WNK1: variants seen among roughly 807,000 people sequenced by gnomAD.
The protein encoded by WNK1 is serine/threonine-protein kinase WNK1.
In WNK1, 38 loss-of-function variants were observed where a neutral mutation model predicts 222.8. That is an observed-to-expected ratio of 0.17 (90% CI 0.13 to 0.22). WNK1 has a LOEUF of 0.22. Ranked by LOEUF, WNK1 falls within the 10% of genes least tolerant of loss-of-function variation. The pLI, the probability that WNK1 is intolerant of heterozygous loss-of-function variation, is 1.00. For synonymous variants in WNK1, 1,090 were observed against 1,092.9 expected (o/e 1.00, Z 0.05); for missense variants, 2,348 against 2,918.4 (o/e 0.80, Z 4.50).
chr12:878,203 T>C lies in WNK1; in HGVS notation c.2224-9T>C, dbSNP rs769725061. 9 of 1,614,148 alleles carry C rather than the reference T, an allele frequency of 5.6e-6. No individual in the cohort carries two copies. The highest frequency in any genetic ancestry group is 1.7e-5 in the Admixed American group (1 of 60,022). On this transcript the variant is annotated splice_polypyrimidine_tract_variant and intron_variant, in intron 9 of 27. Transcript: ENST00000315939. The stretch of plus-strand genomic sequence containing the variant: ...GAAATAAAACTGAATCATTGTATTT[T>C]ATTCTTAGCAGCAGGGAATACAGCA...
intron 10 of WNK1, among the ~76,000 whole-genome samples, 200 bp from the exon 11 acceptor site, chr12:879,373 C>T (rs1952914273): frequency 6.6e-6 from 1 of 151,334 alleles, no homozygotes; most frequent in African/African-American, 2.4e-5. Context: ...TCTTTCTCTC[C>T]TGCTCTCCTT....
chr12:872,897 A>G (rs1952278128), intron 9 of WNK1, among the ~76,000 whole-genome samples: 1 of 152,228 alleles, frequency 6.6e-6, no homozygotes, highest in Non-Finnish European at 1.5e-5. Context: ...CTACAGAAAC[A>G]GTTGATTAGT....
At chr12:795,672 A>G (rs1461233199) in intron 1 of WNK1, among the ~76,000 whole-genome samples, 1 of 152,048 alleles carries the variant, frequency 6.6e-6, no homozygotes, top group African/African-American at 2.4e-5. Context: ...AAACTGACTA[A>G]TACAGTTTCT....
chr12:874,306 A>G (rs1952425416), intron 9 of WNK1, among the ~76,000 whole-genome samples: 1 of 152,246 alleles, frequency 6.6e-6, no homozygotes, highest in Admixed American at 6.5e-5. Context: ...ATTATTAGTC[A>G]GTGGGACTGC....
intron 1 of WNK1, among the ~76,000 whole-genome samples, chr12:773,470 A>T (rs1942770784): frequency 6.6e-6 from 1 of 152,218 alleles, no homozygotes; most frequent in South Asian, 2.1e-4. Context: ...ACTACTTCCC[A>T]ATCAGTTTTT....
At position 865,328 on chromosome 12, in the gene WNK1, C is replaced by G. The variant is rs750430448; in HGVS notation, c.2139+3058C>G. ...TGCACTCTGCCTCTCAGCGCAAGCA[C>G]CGACGCTCCAGCCTGCCTTCCCTCT... On this transcript the variant is annotated intron_variant, in intron 8 of 27. Coordinates refer to ENST00000315939, the MANE Select transcript of WNK1 (RefSeq NM_018979.4). The G allele has an allele frequency of 3.5e-5, 54 of 1,536,022 alleles. No homozygotes were observed. The highest frequency in any genetic ancestry group is 4.5e-5 in the Non-Finnish European group (52 of 1,146,922).
At chr12:882,773 G>T (rs1049181270) in intron 14 of WNK1, among the ~76,000 whole-genome samples, 170 bp from the exon 15 acceptor site, 5 of 152,182 alleles carry the variant, frequency 3.3e-5, no homozygotes, top group African/African-American at 1.2e-4. Context: ...TCTTCTCAAA[G>T]ATTTTTCTTG....
chr12:780,232 T>C (rs1943559173), intron 1 of WNK1, among the ~76,000 whole-genome samples: 1 of 152,242 alleles, frequency 6.6e-6, no homozygotes, highest in African/African-American at 2.4e-5. Context: ...GAAGATTTAT[T>C]TATCAGGAGA....
chr12:848,208 C>T (rs1011576067), intron 4 of WNK1, among the ~76,000 whole-genome samples: 2 of 152,128 alleles, frequency 1.3e-5, no homozygotes, highest in African/African-American at 4.8e-5. Flanking sequence ...ATCCTGTGGT[C>T]ATTTAGTAGG....
intron 1 of WNK1, among the ~76,000 whole-genome samples, chr12:766,430 C>T (rs1176995980): frequency 6.6e-6 from 1 of 151,778 alleles, no homozygotes; most frequent in Non-Finnish European, 1.5e-5. Flanking sequence ...GTTTTGTCTG[C>T]TTTGGTATCT....
intron 1 of WNK1, among the ~76,000 whole-genome samples, chr12:776,394 CTGTGTGTGTTTGTGTGTTTGTGTGTG>C (rs1452166933): frequency 9.0e-6 from 1 of 110,640 alleles, no homozygotes; most frequent in Non-Finnish European, 1.9e-5. Context: ...AGTCAGATCT[CTGTGTGTGTTTGTGTGTTTGTGTGTG>C]TGTGTGTGTG....
chr12:857,606 G>A (rs776186567), intron 5 of WNK1, among the ~76,000 whole-genome samples: 3 of 152,196 alleles, frequency 2.0e-5, no homozygotes, highest in Non-Finnish European at 4.4e-5. Flanking sequence ...ATTCTAAGTG[G>A]TGAAATAAAA....
At chr12:813,941 T>A (rs1481539691) in intron 2 of WNK1, 127 bp downstream of exon 2, 1 of 943,602 alleles carries the variant, frequency 1.1e-6, no homozygotes, top group African/African-American at 1.6e-5. Context: ...CAACTGTTAC[T>A]GTATTAGCAT....
At position 878,202 on chromosome 12, in the gene WNK1, T is replaced by G; in HGVS notation, c.2224-10T>G. On this transcript the variant is annotated splice_polypyrimidine_tract_variant and intron_variant, in intron 9 of 27. Coordinates refer to ENST00000315939, the MANE Select transcript of WNK1 (RefSeq NM_018979.4). ...TGAAATAAAACTGAATCATTGTATT[T>G]TATTCTTAGCAGCAGGGAATACAGC... 6.2e-7 allele frequency: 1 copy of G among 1,614,106 alleles called. No homozygotes were observed. The highest frequency in any genetic ancestry group is 8.5e-7 in the Non-Finnish European group (1 of 1,180,010).
At chr12:775,917 G>A (rs1943030453) in intron 1 of WNK1, among the ~76,000 whole-genome samples, 1 of 152,158 alleles carries the variant, frequency 6.6e-6, no homozygotes, top group South Asian at 2.1e-4. Context: ...TGGCAGTGGA[G>A]CCTAGATCAT....
intron 4 of WNK1, among the ~76,000 whole-genome samples, chr12:848,552 A>G (rs1004714277): frequency 1.4e-5 from 2 of 138,758 alleles, no homozygotes; most frequent in African/African-American, 5.4e-5. Flanking sequence ...GGAGAAGAGT[A>G]AGAATACTAG....
chr12:847,801 CTTTTTTTT>C (rs898832948), intron 4 of WNK1, among the ~76,000 whole-genome samples: 14 of 68,648 alleles, frequency 2.0e-4, no homozygotes, highest in South Asian at 6.0e-4. Context: ...GATTAATTCT[CTTTTTTTT>C]TTTTTTTTTT....
chr12:767,243 T>G (rs1237331158), intron 1 of WNK1, among the ~76,000 whole-genome samples: 3 of 20,184 alleles, frequency 1.5e-4, no homozygotes, highest in Non-Finnish European at 4.9e-4. Context: ...GGTTTTTTTT[T>G]TTTTTTTTTT....
In WNK1 at chr12:781,558, G is replaced by A. The variant is rs182387363; in HGVS notation, c.759+27234G>A. 2.6e-5 allele frequency among the ~76,000 whole-genome samples: 4 copies of A among 152,210 alleles called. No homozygotes were observed. In the East Asian group the frequency reaches 7.7e-4, roughly 29 times the overall value. On this transcript the variant is annotated intron_variant, in intron 1 of 27. Coordinates refer to ENST00000315939, the MANE Select transcript of WNK1 (RefSeq NM_018979.4). ...TAGGTGTGTGTGAAGTTTTATAATT[G>A]CTGGTCTTCATTAGATAAATTAAAT...
Sources: gnomAD v4.1 joint callset for allele counts (sites outside exome capture counted in the v4.1 genomes callset) on GRCh38, gnomAD v4.1.1 for gene constraint, MANE v1.5 for transcripts, NCBI Gene and HGNC (gene_info 2026-07-23, HGNC 2026-07-21) for gene names.